Variants in CASZ1 observed in about 807,000 individuals in gnomAD.
CASZ1 encodes zinc finger protein castor homolog 1.
CASZ1 carries 28 observed loss-of-function variants against 135.2 expected under a neutral mutation model. That is an observed-to-expected ratio of 0.21 (90% CI 0.15 to 0.28). CASZ1 has a LOEUF of 0.28. Ranked by LOEUF, CASZ1 falls within the 10% of genes least tolerant of loss-of-function variation. The pLI, the probability that CASZ1 is intolerant of heterozygous loss-of-function variation, is 1.00. For synonymous variants in CASZ1, 1,068 were observed against 1,073.4 expected (o/e 0.99, Z 0.10); for missense variants, 2,161 against 2,453.3 (o/e 0.88, Z 2.52).
rs1206233365 is a variant in CASZ1, at chr1:10,709,735, C to CG, written c.-76-4192dup. 6.6e-6 allele frequency among the ~76,000 whole-genome samples: 1 copy of CG among 152,138 alleles called. No homozygotes were observed. The highest frequency in any genetic ancestry group is 2.4e-5 in the African/African-American group (1 of 41,414). On this transcript the variant is annotated intron_variant, in intron 2 of 20. Transcript: ENST00000377022. The surrounding 1 kb of genome is among the most constrained non-coding windows in gnomAD (Gnocchi z 5.1). ...CCCAGGCAGGGGCTGAGCAGTGCCC[C>CG]GGGCAGTGCCGCAGGGGGATGCGCA...
chr1:10,684,491 G>A (rs998153612), intron 4 of CASZ1, among the ~76,000 whole-genome samples: 1 of 152,208 alleles, frequency 6.6e-6, no homozygotes, highest in Non-Finnish European at 1.5e-5. Context: ...CCTGAACAGA[G>A]ACATGGTCCA....
intron 1 of CASZ1, among the ~76,000 whole-genome samples, chr1:10,793,849 C>A (rs938459841): frequency 1.3e-5 from 2 of 152,178 alleles, no homozygotes; most frequent in Admixed American, 1.3e-4. Context: ...GCGAGGGGCA[C>A]ACCCTAAAAA....
rs773547090 is a variant in CASZ1 at position 10,666,821 on chromosome 1, C to T, written c.17-1250G>A. Among the ~76,000 whole-genome samples, 114 of 152,350 alleles carry T rather than the reference C, an allele frequency of 7.5e-4. No homozygotes were observed. The highest frequency in any genetic ancestry group is 2.3e-3 in the Admixed American group (35 of 15,308). Reference sequence around the variant, plus strand: ...CGCACACACACGCGTGCACACACAGCGCAGCCACATGGAACTGTCTGTCTG... The same window carrying T: ...CGCACACACACGCGTGCACACACAGTGCAGCCACATGGAACTGTCTGTCTG... On this transcript the variant is annotated intron_variant, in intron 4 of 20. Coordinates refer to ENST00000377022, the MANE Select transcript of CASZ1 (RefSeq NM_001079843.3). The surrounding 1 kb of genome is among the most constrained non-coding windows in gnomAD (Gnocchi z 5.2).
At position 10,699,021 on chromosome 1, in the gene CASZ1, G is replaced by A. The variant is rs891676308; in HGVS notation, c.-23-5109C>T. ...CTCCCCCACCCATGGCCTGGCCTGG[G>A]TTGGGGGTGGGAGCAAGATGGAGCC... is the stretch of plus-strand genomic sequence containing the variant. On this transcript the variant is annotated intron_variant, in intron 3 of 20. Transcript: ENST00000377022. The surrounding 1 kb of genome is among the most constrained non-coding windows in gnomAD (Gnocchi z 4.6). 2.0e-5 allele frequency among the ~76,000 whole-genome samples: 3 copies of A among 152,240 alleles called. No individual in the cohort carries two copies. The highest frequency in any genetic ancestry group is 2.9e-5 in the Non-Finnish European group (2 of 68,046).
chr1:10,710,856 C>T (rs998961162), intron 2 of CASZ1, among the ~76,000 whole-genome samples: 9 of 152,238 alleles, frequency 5.9e-5, no homozygotes, highest in East Asian at 3.8e-4. Flanking sequence ...TACAAAAGGC[C>T]GGGGGCAGTA....
chr1:10,668,939 G>C (rs1643319220), intron 4 of CASZ1, among the ~76,000 whole-genome samples: 1 of 152,248 alleles, frequency 6.6e-6, no homozygotes, highest in Non-Finnish European at 1.5e-5. Context: ...GCAGGGGACA[G>C]AGAAGAGGCC....
chr1:10,673,099 G>C (rs748852103), intron 4 of CASZ1, among the ~76,000 whole-genome samples: 34 of 152,262 alleles, frequency 2.2e-4, no homozygotes, highest in Non-Finnish European at 4.0e-4. Flanking sequence ...CCTGGGGACC[G>C]GGAGGGCCCT....
intron 1 of CASZ1, among the ~76,000 whole-genome samples, chr1:10,784,858 A>AC (rs1261848513): frequency 6.6e-6 from 1 of 152,086 alleles, no homozygotes; most frequent in East Asian, 1.9e-4. Context: ...GAACCACCGC[A>AC]CCTGGCCCCA....
rs79865085 is a variant in CASZ1 at position 10,715,326 on chromosome 1, T to C, written c.-76-9782A>G. ...GTCACCTCTTGGTGACTGTCTACGA[T>C]GGTAGAAGCAGTCCTGTACCCGCGC... On this transcript the variant is annotated intron_variant, in intron 2 of 20. Coordinates refer to ENST00000377022, the MANE Select transcript of CASZ1 (RefSeq NM_001079843.3). 4.3e-4 allele frequency among the ~76,000 whole-genome samples: 65 copies of C among 152,212 alleles called. 2 individuals carry two copies. In the East Asian group the frequency reaches 0.012, roughly 28 times the overall value.
At chr1:10,738,774 C>T (rs570942003) in intron 2 of CASZ1, among the ~76,000 whole-genome samples, 1 of 152,288 alleles carries the variant, frequency 6.6e-6, no homozygotes, top group African/African-American at 2.4e-5. Context: ...CATTTAAAGG[C>T]TCTTCTCTCT....
At chr1:10,686,551 C>T (rs940853073) in intron 4 of CASZ1, among the ~76,000 whole-genome samples, 5 of 152,166 alleles carry the variant, frequency 3.3e-5, no homozygotes, top group Non-Finnish European at 5.9e-5. Context: ...GAAGACAAGG[C>T]GGGTAGGGTG....
chr1:10,698,720 C>T (rs1490264856), intron 3 of CASZ1, among the ~76,000 whole-genome samples: 27 of 152,104 alleles, frequency 1.8e-4, no homozygotes, highest in Admixed American at 1.8e-3. Flanking sequence ...GGGGGACTGG[C>T]TTAACAGAGG....
At chr1:10,768,463 C>T (rs970335452) in intron 1 of CASZ1, among the ~76,000 whole-genome samples, 1 of 152,174 alleles carries the variant, frequency 6.6e-6, no homozygotes, top group Admixed American at 6.5e-5. Context: ...AGTTAGCTGC[C>T]GGGCTCAGCC....
intron 2 of CASZ1, among the ~76,000 whole-genome samples, chr1:10,731,991 T>A (rs1639709811): frequency 6.6e-6 from 1 of 152,164 alleles, no homozygotes; most frequent in African/African-American, 2.4e-5. Flanking sequence ...TTTTAAAATT[T>A]CTCAGTTTTA....
At chr1:10,648,898 C>T in intron 15 of CASZ1, 172 bp downstream of exon 15, 1 of 853,982 alleles carries the variant, frequency 1.2e-6, no homozygotes, top group East Asian at 2.7e-5. Context: ...CTGAGGGCTG[C>T]ATGTGTGAAG....
rs199902278 is a variant in CASZ1, at chr1:10,648,057, G to C, written c.3241C>G (p.Pro1081Ala). 2.1e-5 allele frequency: 34 copies of C among 1,600,406 alleles called. 1 individual carries two copies. The African/African-American group carries it at 3.6e-4, about 17-fold the overall frequency. ...ACCGGAGGGGACGAGGGGGCCATGG[G>C]AGGTTTGGTCTCGGCGGCCGAGGCC... Reference protein sequence around the residue: ...FPASAAETKPPMAPSSPPVPP... With the variant: ...FPASAAETKPAMAPSSPPVPP... The change falls in exon 16 of 21, where the codon CCC becomes GCC. Residue 1081 changes from proline to alanine, a missense_variant. Physicochemically the swap from Pro to Ala is conservative, Grantham distance 27. Around this residue, in one of 7 missense-constraint regions of CASZ1, gnomAD observed 349 missense variants for 460.8 expected, o/e 0.76. Transcript: ENST00000377022.
intron 17 of CASZ1, among the ~76,000 whole-genome samples, 157 bp from the exon 18 acceptor site, chr1:10,645,245 G>A (rs553283221): frequency 1.7e-4 from 26 of 152,290 alleles, no homozygotes; most frequent in African/African-American, 4.8e-4. Flanking sequence ...AAAAAGCAGC[G>A]CAGGGCCGGG....
At chr1:10,684,061 GCTTC>G (rs1458901054) in intron 4 of CASZ1, among the ~76,000 whole-genome samples, 5 of 152,218 alleles carry the variant, frequency 3.3e-5, no homozygotes, top group Non-Finnish European at 7.3e-5. Flanking sequence ...CGGGCCTCCA[GCTTC>G]CCCACTTAGG....
At chr1:10,681,618 G>C (rs1638423625) in intron 4 of CASZ1, among the ~76,000 whole-genome samples, 1 of 152,232 alleles carries the variant, frequency 6.6e-6, no homozygotes, top group African/African-American at 2.4e-5. Context: ...TTAGACCTCT[G>C]CCTCACCAGA....
Sources: allele counts gnomAD v4.1 joint callset (sites outside exome capture counted in the v4.1 genomes callset), GRCh38; gene constraint gnomAD v4.1.1; regional missense constraint gnomAD v4.1.1; non-coding constraint Gnocchi (gnomAD v3.1); transcripts MANE v1.5; gene names NCBI Gene and HGNC (gene_info 2026-07-23, HGNC 2026-07-21).